EEFSEC: variants seen among roughly 807,000 people sequenced by gnomAD.
The protein encoded by EEFSEC is selenocysteine-specific elongation factor.
A neutral mutation model predicts 42.1 loss-of-function variants in EEFSEC; 43 were observed. That is an observed-to-expected ratio of 1.02 (90% CI 0.80 to 1.32). EEFSEC has a LOEUF of 1.32. Among genes scored for constraint, EEFSEC ranks in the 40% most tolerant of loss-of-function variants. EEFSEC has a pLI of 0.00. For missense variants in EEFSEC, 745 were observed against 803.6 expected (o/e 0.93, Z 0.88); for synonymous variants, 354 against 339.1 (o/e 1.04, Z -0.48).
At chr3:128,332,045 G>A (rs2067139271) in intron 4 of EEFSEC, among the ~76,000 whole-genome samples, 1 of 152,134 alleles carries the variant, frequency 6.6e-6, no homozygotes, top group Admixed American at 6.5e-5. Context: ...TGTCCATTAA[G>A]GGTATGGATA....
intron 2 of EEFSEC, among the ~76,000 whole-genome samples, chr3:128,248,146 C>G (rs2066146669): frequency 6.6e-6 from 1 of 152,170 alleles, no homozygotes; most frequent in Admixed American, 6.5e-5. Context: ...ATTGTTTTAT[C>G]AATTTCTCTC....
chr3:128,281,788 C>G (rs1483106414), intron 4 of EEFSEC, among the ~76,000 whole-genome samples: 2 of 152,082 alleles, frequency 1.3e-5, no homozygotes, highest in Non-Finnish European at 2.9e-5. Context: ...GGGCCCTGTG[C>G]GGGGGTTTTG....
At chr3:128,173,657 C>T (rs1218817511) in intron 1 of EEFSEC, among the ~76,000 whole-genome samples, 4 of 152,190 alleles carry the variant, frequency 2.6e-5, no homozygotes, top group Non-Finnish European at 5.9e-5. Context: ...TTCTCCTTAT[C>T]GGTTCCCCTA....
chr3:128,391,665 G>A (rs149750907), intron 6 of EEFSEC, among the ~76,000 whole-genome samples: 10 of 152,316 alleles, frequency 6.6e-5, no homozygotes, highest in East Asian at 1.9e-4. Flanking sequence ...CCTGGCACCC[G>A]TTCCTATCAG....
intron 1 of EEFSEC, among the ~76,000 whole-genome samples, chr3:128,201,946 T>C (rs1358969206): frequency 6.6e-6 from 1 of 152,240 alleles, no homozygotes; most frequent in East Asian, 1.9e-4. Context: ...CAGTGCATCA[T>C]TTCTTGAAAA....
At chr3:128,368,235 C>A (rs1474097151) in intron 6 of EEFSEC, among the ~76,000 whole-genome samples, 1 of 152,108 alleles carries the variant, frequency 6.6e-6, no homozygotes. Context: ...AGTTGGAGAC[C>A]AGACTGGCCA....
chr3:128,420,869 G>C, the EEFSEC span, among the ~76,000 whole-genome samples: 1 of 152,126 alleles, frequency 6.6e-6, no homozygotes, highest in African/African-American at 2.4e-5. Context: ...TCCTCTGGGG[G>C]TACCTCAGGC....
chr3:128,347,412 A>C (rs2067325587), intron 5 of EEFSEC, among the ~76,000 whole-genome samples: 1 of 152,210 alleles, frequency 6.6e-6, no homozygotes, highest in African/African-American at 2.4e-5. Flanking sequence ...ATATGGTGAT[A>C]AGGGAAATAG....
chr3:128,220,056 A>C, intron 1 of EEFSEC, among the ~76,000 whole-genome samples: 1 of 152,176 alleles, frequency 6.6e-6, no homozygotes, highest in South Asian at 2.1e-4. Context: ...TCTGACCACA[A>C]CTCCATGTGG....
chr3:128,222,216 A>G (rs2065868753), intron 1 of EEFSEC, among the ~76,000 whole-genome samples: 1 of 152,104 alleles, frequency 6.6e-6, no homozygotes, highest in Admixed American at 6.6e-5. Context: ...GTATATTAGT[A>G]GAGATGGGGT....
intron 1 of EEFSEC, among the ~76,000 whole-genome samples, chr3:128,245,520 A>G (rs1253526554): frequency 6.6e-6 from 1 of 152,170 alleles, no homozygotes; most frequent in African/African-American, 2.4e-5. Context: ...GGAGAAGCAG[A>G]GTGGGAGACA....
chr3:128,376,922 G>A lies in EEFSEC; in HGVS notation c.1600+18549G>A, dbSNP rs138155968. On this transcript the variant is annotated intron_variant, in intron 6 of 6. Transcript: ENST00000254730. ...TGGGCTAATTTCCCTCTGTCACCTG[G>A]GGGAAGAAGGCCCCATGGCTTCTTC... is the stretch of plus-strand genomic sequence containing the variant. 3.9e-3 allele frequency among the ~76,000 whole-genome samples: 599 copies of A among 152,202 alleles called. 7 individuals are homozygous for A. The highest frequency in any genetic ancestry group is 0.013 in the African/African-American group (557 of 41,540).
chr3:128,356,473 G>GGA (rs2067455983), intron 5 of EEFSEC, among the ~76,000 whole-genome samples: 1 of 152,186 alleles, frequency 6.6e-6, no homozygotes. Flanking sequence ...TGTCACCCTT[G>GGA]CTGGACCAGA....
intron 2 of EEFSEC, among the ~76,000 whole-genome samples, chr3:128,248,555 G>GA (rs1436614754): frequency 6.6e-6 from 1 of 152,216 alleles, no homozygotes; most frequent in Non-Finnish European, 1.5e-5. Flanking sequence ...ATTCCCAGCG[G>GA]AAGTGGATAT....
At chr3:128,275,827 T>C (rs552527534) in intron 4 of EEFSEC, among the ~76,000 whole-genome samples, 2 of 152,262 alleles carry the variant, frequency 1.3e-5, no homozygotes, top group African/African-American at 4.8e-5. Context: ...TAGGTGGTTG[T>C]GGTCATCTCT....
chr3:128,307,881 G>C (rs1301388358), intron 4 of EEFSEC, among the ~76,000 whole-genome samples: 1 of 152,198 alleles, frequency 6.6e-6, no homozygotes, highest in East Asian at 1.9e-4. Context: ...TGATGAAGAT[G>C]CTTTTGATTG....
At chr3:128,290,641 T>C (rs1456599425) in intron 4 of EEFSEC, among the ~76,000 whole-genome samples, 1 of 152,206 alleles carries the variant, frequency 6.6e-6, no homozygotes, top group African/African-American at 2.4e-5. Context: ...TGGGAACAAT[T>C]GATATCAGTA....
intron 6 of EEFSEC, among the ~76,000 whole-genome samples, chr3:128,403,296 A>G (rs7648374): frequency 0.058 from 8,844 of 152,212 alleles, 838 homozygotes; most frequent in African/African-American, 0.2. Context: ...AGGTGTGCAG[A>G]AGGGCAGCGA....
intron 4 of EEFSEC, among the ~76,000 whole-genome samples, chr3:128,291,004 C>T (rs1381548258): frequency 6.6e-6 from 1 of 152,126 alleles, no homozygotes; most frequent in East Asian, 1.9e-4. Flanking sequence ...CCCACCTCAG[C>T]CTCCCAAAGT....
Sources: allele counts gnomAD v4.1 joint callset (sites outside exome capture counted in the v4.1 genomes callset), GRCh38; gene constraint gnomAD v4.1.1; transcripts MANE v1.5; gene names NCBI Gene and HGNC (gene_info 2026-07-23, HGNC 2026-07-21).